Variants in GALNT1 observed in about 807,000 individuals in gnomAD.
The protein encoded by GALNT1 is polypeptide N-acetylgalactosaminyltransferase 1, also known as GalNAc transferase 1.
Under a neutral mutation model 65.7 loss-of-function variants are expected in GALNT1, and 17 were observed. The observed-to-expected ratio is 0.26, with a 90% confidence interval of 0.18 to 0.39. The LOEUF is 0.39. GALNT1 is among the 10% of genes least tolerant of loss of function. The pLI, the probability that GALNT1 is intolerant of heterozygous loss-of-function variation, is 1.00. For synonymous variants in GALNT1, 210 were observed against 219.7 expected (o/e 0.96, Z 0.39); for missense variants, 460 against 672.8 (o/e 0.68, Z 3.50).
chr18:35,587,325 A>T (rs1056864350), intron 1 of GALNT1, among the ~76,000 whole-genome samples: 18 of 152,220 alleles, frequency 1.2e-4, no homozygotes, highest in African/African-American at 4.1e-4. Flanking sequence ...TTTCCTTTTT[A>T]ATCTGCACAC....
Position 35,611,898 on chromosome 18 carries a change from A to G in GALNT1, c.-104+30036A>G, listed in dbSNP as rs1221440885. On this transcript the variant is annotated intron_variant, in intron 1 of 11. Coordinates refer to ENST00000269195, the MANE Select transcript of GALNT1 (RefSeq NM_020474.4). ...AAAAGGATCCTGACAAAAGTTTCCC[A>G]CAAAGCTTCTGTTTTTACACAAAAA... Among the ~76,000 whole-genome samples, 4 of 152,242 alleles carry G rather than the reference A, an allele frequency of 2.6e-5. No homozygotes were observed. In the East Asian group the frequency reaches 7.7e-4, roughly 29 times the overall value.
At chr18:35,686,640 T>G (rs571903723) in intron 5 of GALNT1, among the ~76,000 whole-genome samples, 6 of 152,206 alleles carry the variant, frequency 3.9e-5, no homozygotes, top group African/African-American at 1.4e-4. Flanking sequence ...GTGGAACAAC[T>G]GGTTATCCAT....
Position 35,704,684 on chromosome 18 carries a change from G to A in GALNT1, c.1533+1041G>A, listed in dbSNP as rs532693409. Among the ~76,000 whole-genome samples, 12 of 146,740 alleles carry A rather than the reference G, an allele frequency of 8.2e-5. No individual in the cohort carries two copies. In the East Asian group the frequency reaches 2.0e-3, roughly 25 times the overall value. ...TTTGAGATGGAGTCTCGCTCTTATC[G>A]CCCAGGCTGGAGTGCAGTGGTGCAA... On this transcript the variant is annotated intron_variant, in intron 11 of 11. Coordinates refer to ENST00000269195, the MANE Select transcript of GALNT1 (RefSeq NM_020474.4).
At chr18:35,600,806 GA>G (rs1229496917) in intron 1 of GALNT1, among the ~76,000 whole-genome samples, 1 of 152,054 alleles carries the variant, frequency 6.6e-6, no homozygotes, top group Non-Finnish European at 1.5e-5. Context: ...CGTGGTGAAT[GA>G]TTTTTTTAAT....
chr18:35,618,476 G>C (rs927335790), intron 1 of GALNT1, among the ~76,000 whole-genome samples: 3 of 152,052 alleles, frequency 2.0e-5, no homozygotes, highest in African/African-American at 7.2e-5. Context: ...TCTTTTAGTT[G>C]CATTATGGGT....
intron 5 of GALNT1, among the ~76,000 whole-genome samples, chr18:35,683,844 T>C (rs1202915848): frequency 6.6e-6 from 1 of 152,200 alleles, no homozygotes; most frequent in East Asian, 1.9e-4. Context: ...GAATGTATAC[T>C]ATATGCTGTG....
chr18:35,592,979 A>G (rs1289380350), intron 1 of GALNT1, among the ~76,000 whole-genome samples: 2 of 152,174 alleles, frequency 1.3e-5, no homozygotes, highest in Non-Finnish European at 2.9e-5. Flanking sequence ...GAATAAATCA[A>G]TGTACTTGTC....
In GALNT1 at chr18:35,603,737, A is replaced by G. The variant is rs115033543; in HGVS notation, c.-104+21875A>G. On this transcript the variant is annotated intron_variant, in intron 1 of 11. Transcript: ENST00000269195. ...AATCATTGGTGGACCCTGGAGCTCC[A>G]TCCCTCTACAGTTAAGCCAGCTCTA... 6.4e-3 allele frequency among the ~76,000 whole-genome samples: 969 copies of G among 152,090 alleles called. 19 individuals carry two copies. Among genetic ancestry groups the G allele is most frequent in the African/African-American group, 0.022 (919 of 41,478 alleles).
In GALNT1 at chr18:35,657,848, C is replaced by T. The variant is rs547264249; in HGVS notation, c.139+3047C>T. 1.0e-3 allele frequency among the ~76,000 whole-genome samples: 154 copies of T among 152,118 alleles called. 1 individual carries two copies. Among genetic ancestry groups the T allele is most frequent in the African/African-American group, 3.1e-3 (129 of 41,514 alleles). ...AGCATGAAGGGAAGCATGTAGTATA[C>T]GGTAGTTACAAGAGAGAAATGGAGC... is the stretch of plus-strand genomic sequence containing the variant. On this transcript the variant is annotated intron_variant, in intron 2 of 11. Transcript: ENST00000269195.
chr18:35,709,496 C>A, intron 11 of GALNT1, 128 bp from the exon 12 acceptor site: 2 of 814,678 alleles, frequency 2.5e-6, no homozygotes, highest in Non-Finnish European at 3.7e-6. Context: ...ACCTTTTCTC[C>A]GTTGTCTTTT....
chr18:35,707,151 A>G (rs2048276218), intron 11 of GALNT1, among the ~76,000 whole-genome samples: 1 of 152,180 alleles, frequency 6.6e-6, no homozygotes. Context: ...ACAATAAGGC[A>G]CTGGGCTCTT....
chr18:35,684,009 A>G (rs2047827706), intron 5 of GALNT1, among the ~76,000 whole-genome samples: 1 of 152,252 alleles, frequency 6.6e-6, no homozygotes, highest in Non-Finnish European at 1.5e-5. Context: ...AGAGAAGCAC[A>G]TTGTGTCCTG....
chr18:35,642,947 C>G (rs1353559199), intron 1 of GALNT1, among the ~76,000 whole-genome samples: 1 of 151,926 alleles, frequency 6.6e-6, no homozygotes, highest in Non-Finnish European at 1.5e-5. Context: ...TGCAAGTGGC[C>G]TTCTCCATGT....
chr18:35,704,293 G>C (rs1006168053), intron 11 of GALNT1, among the ~76,000 whole-genome samples: 1 of 148,592 alleles, frequency 6.7e-6, no homozygotes, highest in Non-Finnish European at 1.5e-5. Flanking sequence ...AAGGCATTTA[G>C]TGCCACTAAA....
At chr18:35,581,634 G>C (rs1475166784), upstream of GALNT1, 11 of 72 alleles carry the variant, frequency 0.15, no homozygotes, top group East Asian at 0.3. Context: ...GCCCGCGAGC[G>C]GGGCGCCCGG....
At chr18:35,699,873 C>T (rs548366646) in intron 9 of GALNT1, among the ~76,000 whole-genome samples, 1 of 152,304 alleles carries the variant, frequency 6.6e-6, no homozygotes, top group African/African-American at 2.4e-5. Context: ...TTTCTACCCT[C>T]CACATCTCAT....
intron 1 of GALNT1, among the ~76,000 whole-genome samples, chr18:35,609,181 AT>A (rs1305239659): frequency 6.6e-6 from 1 of 152,148 alleles, no homozygotes; most frequent in East Asian, 1.9e-4. Flanking sequence ...TTTAAATCTT[AT>A]CCCTCTTTAC....
Position 35,709,973 on chromosome 18 carries a change from A to G in GALNT1, c.*203A>G, listed in dbSNP as rs2048329270. 4 of 578,490 alleles carry G rather than the reference A, an allele frequency of 6.9e-6. No homozygotes were observed. In the Admixed American group the frequency reaches 1.2e-4, roughly 17 times the overall value. 35.8% of individuals were successfully genotyped at this position (578,490 alleles called of 1,614,324 possible). A position where few individuals can be genotyped will look rare whatever the true frequency, so the allele number is the denominator to read the frequency against. ...TTCCTGTCCATGGACGTGAAACTGC[A>G]TAGTAATGAGACTGTGCACACTGAT... On this transcript the variant is annotated 3_prime_UTR_variant, in exon 12 of 12. Transcript: ENST00000269195.
At chr18:35,625,021 C>T (rs1454485607) in intron 1 of GALNT1, among the ~76,000 whole-genome samples, 1 of 152,142 alleles carries the variant, frequency 6.6e-6, no homozygotes, top group Non-Finnish European at 1.5e-5. Context: ...TAAATTACTA[C>T]TTGGTGCTAC....
Sources: allele counts gnomAD v4.1 joint callset (sites outside exome capture counted in the v4.1 genomes callset), GRCh38; gene constraint gnomAD v4.1.1; transcripts MANE v1.5; gene names NCBI Gene and HGNC (gene_info 2026-07-23, HGNC 2026-07-21).